PTPRD: variants seen among roughly 807,000 people sequenced by gnomAD.
PTPRD encodes the protein protein tyrosine phosphatase receptor type D.
PTPRD carries 34 observed loss-of-function variants against 214.5 expected under a neutral mutation model. The observed-to-expected ratio is 0.16, with a 90% CI of 0.12 to 0.21. The LOEUF is 0.21. Among genes scored for constraint, PTPRD ranks in the 10% least tolerant of loss-of-function variants. PTPRD has a pLI of 1.00. For missense variants in PTPRD, 2,545 were observed against 2,398.7 expected (o/e 1.06, Z -1.27); for synonymous variants, 1,128 against 845.7 (o/e 1.33, Z -5.79).
At chr9:10,303,985 C>A (rs990111876) in intron 3 of PTPRD, among the ~76,000 whole-genome samples, 1 of 152,098 alleles carries the variant, frequency 6.6e-6, no homozygotes, top group African/African-American at 2.4e-5. Flanking sequence ...GGCTAATATC[C>A]CTGATGAACA....
At chr9:9,910,886 A>C (rs2078993636) in intron 5 of PTPRD, among the ~76,000 whole-genome samples, 1 of 152,080 alleles carries the variant, frequency 6.6e-6, no homozygotes, top group Non-Finnish European at 1.5e-5. Context: ...AATCTTTGTC[A>C]AAACCCAACA....
intron 7 of PTPRD, among the ~76,000 whole-genome samples, chr9:9,644,357 G>A (rs1252666456): frequency 6.6e-6 from 1 of 152,112 alleles, no homozygotes; most frequent in African/African-American, 2.4e-5. Flanking sequence ...TAATGCAGCA[G>A]AAATCAGATA....
At chr9:9,820,270 A>G (rs1455270502) in intron 5 of PTPRD, among the ~76,000 whole-genome samples, 5 of 151,824 alleles carry the variant, frequency 3.3e-5, no homozygotes, top group Admixed American at 2.6e-4. Flanking sequence ...ATGTTTGTTT[A>G]CCGCTCATAT....
intron 3 of PTPRD, among the ~76,000 whole-genome samples, chr9:10,236,503 C>T (rs531659707): frequency 5.3e-5 from 8 of 151,938 alleles, no homozygotes; most frequent in South Asian, 2.1e-4. Flanking sequence ...ACTTGACTAC[C>T]GCAGTTTTCT....
chr9:8,872,404 T>C (rs995958769), intron 11 of PTPRD, among the ~76,000 whole-genome samples: 2 of 152,248 alleles, frequency 1.3e-5, no homozygotes, highest in African/African-American at 2.4e-5. Context: ...TTCTCTCACA[T>C]GATTGAGTAT....
chr9:8,401,168 CTT>C (rs35280480), intron 36 of PTPRD, among the ~76,000 whole-genome samples: 1,786 of 144,474 alleles, frequency 0.012, 47 homozygotes, highest in African/African-American at 0.042. Context: ...TTTACCTTTT[CTT>C]TTTTTTTTTT....
intron 2 of PTPRD, among the ~76,000 whole-genome samples, chr9:10,499,884 A>T (rs768768264): frequency 4.6e-4 from 70 of 151,920 alleles, no homozygotes; most frequent in Non-Finnish European, 5.9e-4. Flanking sequence ...ATATCTTTTT[A>T]AAAAAATGTT....
intron 11 of PTPRD, 40 bp from the exon 12 acceptor site, chr9:8,733,986 A>G: frequency 1.3e-6 from 1 of 771,696 alleles, no homozygotes; most frequent in African/African-American, 1.7e-5. Context: ...GGAAGAAAAC[A>G]CAAAAGTGCT....
intron 12 of PTPRD, among the ~76,000 whole-genome samples, chr9:8,666,045 T>C (rs1349052172): frequency 6.6e-6 from 1 of 152,098 alleles, no homozygotes; most frequent in Non-Finnish European, 1.5e-5. Flanking sequence ...AACTGTTTTT[T>C]TTTTTTCTGA....
At chr9:10,258,944 T>C (rs555561505) in intron 3 of PTPRD, among the ~76,000 whole-genome samples, 76 of 152,380 alleles carry the variant, frequency 5.0e-4, no homozygotes, top group African/African-American at 1.8e-3. Context: ...AACAGTATTG[T>C]TGAACTTATT....
rs111937397 is a variant in PTPRD, at chr9:9,761,235, T to C, written c.-326+5575A>G. Reference sequence around the variant, plus strand: ...TAAAAATGAACAAACTATTGATACATGCAACAACTTGGGTGAATCTCCAAA... The same window carrying C: ...TAAAAATGAACAAACTATTGATACACGCAACAACTTGGGTGAATCTCCAAA... On this transcript the variant is annotated intron_variant, in intron 6 of 45. Coordinates refer to ENST00000381196, the MANE Select transcript of PTPRD (RefSeq NM_002839.4). Among the ~76,000 whole-genome samples the C allele has an allele frequency of 9.9e-4, 151 of 152,296 alleles. 1 individual carries two copies. The highest frequency in any genetic ancestry group is 3.4e-3 in the African/African-American group (141 of 41,574).
At chr9:10,332,803 G>A (rs555235671) in intron 3 of PTPRD, among the ~76,000 whole-genome samples, 1 of 151,898 alleles carries the variant, frequency 6.6e-6, no homozygotes, top group East Asian at 2.0e-4. Context: ...ACTGTGTCAT[G>A]AGCCTCTCAG....
intron 3 of PTPRD, among the ~76,000 whole-genome samples, chr9:10,326,999 C>A (rs1053354852): frequency 6.6e-6 from 1 of 151,232 alleles, no homozygotes. Context: ...TATGTTCAAA[C>A]GATCTTGTAA....
chr9:9,825,782 T>A (rs995291069), intron 5 of PTPRD, among the ~76,000 whole-genome samples: 2 of 151,866 alleles, frequency 1.3e-5, no homozygotes, highest in African/African-American at 2.4e-5. Context: ...GTATCTCCAT[T>A]ATGTTACCAC....
chr9:10,298,662 A>G (rs965350339), intron 3 of PTPRD, among the ~76,000 whole-genome samples: 1 of 152,008 alleles, frequency 6.6e-6, no homozygotes, highest in African/African-American at 2.4e-5. Context: ...CCTTCTTTCA[A>G]AGAAATGAAA....
chr9:10,157,135 A>C (rs980806117), intron 3 of PTPRD, among the ~76,000 whole-genome samples: 1 of 152,174 alleles, frequency 6.6e-6, no homozygotes, highest in African/African-American at 2.4e-5. Context: ...TCTACATTCA[A>C]GTTTAGTATT....
chr9:8,376,799 T>C, intron 37 of PTPRD, 73 bp from the exon 38 acceptor site: 1 of 1,589,660 alleles, frequency 6.3e-7, no homozygotes, highest in East Asian at 2.2e-5. Flanking sequence ...TGAGTTGCTG[T>C]TGAAGGAAAA....
At chr9:9,917,935 G>A (rs1318712018) in intron 5 of PTPRD, among the ~76,000 whole-genome samples, 2 of 151,934 alleles carry the variant, frequency 1.3e-5, no homozygotes, top group Non-Finnish European at 2.9e-5. Context: ...CATAATGGAG[G>A]TCATATATGA....
intron 9 of PTPRD, among the ~76,000 whole-genome samples, chr9:9,375,741 G>C (rs374942991): frequency 2.0e-5 from 3 of 152,148 alleles, no homozygotes; most frequent in Non-Finnish European, 4.4e-5. Context: ...GAGGTATCTG[G>C]AATAGCTGAA....
Sources: gnomAD v4.1 joint callset for allele counts (sites outside exome capture counted in the v4.1 genomes callset) on GRCh38, gnomAD v4.1.1 for gene constraint, MANE v1.5 for transcripts, NCBI Gene and HGNC (gene_info 2026-07-23, HGNC 2026-07-21) for gene names.